The following DHX32 variants were observed in gnomAD, a reference collection of about 807,000 sequenced individuals.
DHX32 encodes DEAH-box helicase 32 (putative).
A neutral mutation model predicts 70.0 loss-of-function variants in DHX32; 51 were observed. That is an observed-to-expected ratio of 0.73 (90% CI 0.58 to 0.92). The LOEUF is 0.92. Among genes scored for constraint, DHX32 ranks in the 40% least tolerant of loss-of-function variants. The pLI, the probability that DHX32 is intolerant of heterozygous loss-of-function variation, is 0.00. For missense variants in DHX32, 762 were observed against 891.8 expected, an observed-to-expected ratio of 0.85 and a Z score of 1.85; for synonymous variants, 310 against 315.3, an observed-to-expected ratio of 0.98 and a Z score of 0.18.
At chr10:125,852,499 A>G in intron 5 of DHX32, 44 bp downstream of exon 5, 1 of 1,613,378 alleles carries the variant, frequency 6.2e-7, no homozygotes, top group South Asian at 1.1e-5. Flanking sequence ...GGTTGCCTGC[A>G]TACAAGAATT....
At chr10:125,863,408 CAG>C (rs1319954294) in intron 2 of DHX32, among the ~76,000 whole-genome samples, 1 of 151,682 alleles carries the variant, frequency 6.6e-6, no homozygotes, top group African/African-American at 2.4e-5. Context: ...ATGAAAAAGA[CAG>C]TATCAAATAT....
chr10:125,839,257 C>T (rs771905050), intron 8 of DHX32, 69 bp from the exon 9 acceptor site: 63 of 1,508,462 alleles, frequency 4.2e-5, no homozygotes, highest in Non-Finnish European at 5.2e-5. Context: ...CCAGGCCAGG[C>T]AGTTGCCATC....
intron 6 of DHX32, among the ~76,000 whole-genome samples, chr10:125,850,498 C>T (rs1944076966): frequency 6.6e-6 from 1 of 151,912 alleles, no homozygotes; most frequent in South Asian, 2.1e-4. Context: ...GCTGGGATTA[C>T]AGGCATGCAC....
chr10:125,841,085 GT>G (rs1235708319), intron 7 of DHX32, 89 bp from the exon 8 acceptor site: 1 of 1,460,374 alleles, frequency 6.8e-7, no homozygotes, highest in Non-Finnish European at 9.3e-7. Context: ...ACGACTGTTA[GT>G]GGCATGGCTC....
rs1322403401 is a variant in DHX32, at chr10:125,841,885, T to C, written c.1401A>G (p.Ala467=). Residue 467 remains alanine (A), a synonymous_variant, in exon 7 of 11, where the codon GCA becomes GCG. Transcript: ENST00000284690. ...CAGAAAGATTTCCATCATTATCCAG[T>C]GCTGCCAGATAATCTAAGTCTTCCA... ...QALEDLDYLA[A]LDNDGNLSEF... 1 of 1,610,550 alleles carries C rather than the reference T, an allele frequency of 6.2e-7. No homozygotes were observed. Among genetic ancestry groups the C allele is most frequent in the South Asian group, 1.1e-5 (1 of 89,490 alleles).
At chr10:125,889,782 T>G (rs1299701768) in intron 1 of DHX32, among the ~76,000 whole-genome samples, 3 of 152,296 alleles carry the variant, frequency 2.0e-5, no homozygotes, top group Non-Finnish European at 2.9e-5. Context: ...GAGTGATTAT[T>G]GCACACCAGA....
intron 5 of DHX32, 37 bp downstream of exon 5, chr10:125,852,506 A>G: frequency 5.0e-6 from 8 of 1,613,214 alleles, no homozygotes; most frequent in Non-Finnish European, 6.8e-6. Flanking sequence ...TGCATACAAG[A>G]ATTGACAACA....
intron 2 of DHX32, among the ~76,000 whole-genome samples, chr10:125,862,173 T>C (rs1231406526): frequency 6.6e-6 from 1 of 152,206 alleles, no homozygotes; most frequent in East Asian, 1.9e-4. Flanking sequence ...CTATCTGTTG[T>C]CACTGTCAAA....
intron 6 of DHX32, among the ~76,000 whole-genome samples, chr10:125,849,532 T>C (rs1056463758): frequency 2.0e-5 from 3 of 152,214 alleles, no homozygotes; most frequent in East Asian, 3.9e-4. Context: ...AAACAGATAA[T>C]AGTGTAACCT....
chr10:125,869,782 G>A (rs535336834), intron 1 of DHX32, among the ~76,000 whole-genome samples: 32 of 152,146 alleles, frequency 2.1e-4, no homozygotes, highest in African/African-American at 6.3e-4. Context: ...TAAGCTACAC[G>A]TGTGGTTTGC....
intron 6 of DHX32, chr10:125,842,535 C>T (rs1022224020): frequency 6.6e-6 from 1 of 152,290 alleles, no homozygotes; most frequent in African/African-American, 2.4e-5. Flanking sequence ...TGGGCACTGC[C>T]ACCTGACACA....
rs73381251 is a variant in DHX32 at position 125,859,777 on chromosome 10, G to T, written c.675C>A (p.Leu225=). 4.2e-3 allele frequency: 6,820 copies of T among 1,614,038 alleles called. 269 individuals are homozygous for T. In the African/African-American group the frequency reaches 0.08, roughly 19 times the overall value. The change falls in exon 3 of 11, where the codon CTC becomes CTA. Residue 225 remains leucine, a synonymous_variant. Coordinates refer to ENST00000284690, the MANE Select transcript of DHX32 (RefSeq NM_018180.3). The part of the protein sequence containing the change: ...INSSPHLISK[L]NSYYGNVPVI... ...CAGGCACGTTTCCATAATAAGAATT[G>T]AGTTTGCTGATCAGGTGAGGTGAGG...
intron 6 of DHX32, among the ~76,000 whole-genome samples, chr10:125,843,804 C>T (rs542067751): frequency 2.4e-4 from 37 of 152,264 alleles, no homozygotes; most frequent in African/African-American, 8.2e-4. Context: ...CAGCCTGACG[C>T]GCCCACCACA....
At chr10:125,858,973 T>A (rs1328107463) in intron 3 of DHX32, among the ~76,000 whole-genome samples, 5 of 152,010 alleles carry the variant, frequency 3.3e-5, no homozygotes, top group Admixed American at 1.3e-4. Flanking sequence ...GATTGCACAT[T>A]TCCAGTCATT....
chr10:125,867,614 T>C (rs1282262551), intron 1 of DHX32, among the ~76,000 whole-genome samples: 2 of 151,900 alleles, frequency 1.3e-5, no homozygotes, highest in Non-Finnish European at 2.9e-5. Context: ...CGGGCGCCTG[T>C]AGTCTCAGCT....
chr10:125,867,475 G>A (rs539801770), intron 1 of DHX32, among the ~76,000 whole-genome samples: 1 of 152,268 alleles, frequency 6.6e-6, no homozygotes, highest in African/African-American at 2.4e-5. Context: ...GGTGGCTCAC[G>A]CCTGTAATCC....
intron 2 of DHX32, among the ~76,000 whole-genome samples, chr10:125,865,760 C>T (rs984719114): frequency 1.3e-5 from 2 of 152,118 alleles, no homozygotes; most frequent in Non-Finnish European, 2.9e-5. Flanking sequence ...AACTCCAGAG[C>T]TCAAGCAATC....
At chr10:125,887,641 T>G (rs1035428279) in intron 1 of DHX32, among the ~76,000 whole-genome samples, 24 of 152,048 alleles carry the variant, frequency 1.6e-4, no homozygotes, top group South Asian at 2.1e-4. Context: ...GTGTGTGTGT[T>G]TTTTTTTAAA....
chr10:125,841,187 T>C (rs199788666), intron 7 of DHX32, 191 bp from the exon 8 acceptor site: 4 of 1,391,716 alleles, frequency 2.9e-6, no homozygotes, highest in Non-Finnish European at 4.0e-6. Flanking sequence ...CCCTCTCCTT[T>C]TGTGTGTGTG....
Sources: allele counts gnomAD v4.1 joint callset (sites outside exome capture counted in the v4.1 genomes callset), GRCh38; gene constraint gnomAD v4.1.1; transcripts MANE v1.5; gene names NCBI Gene and HGNC (gene_info 2026-07-23, HGNC 2026-07-21).